Variants in B3GNT2 observed in about 807,000 individuals in gnomAD.
B3GNT2 encodes the protein N-acetyllactosaminide beta-1,3-N-acetylglucosaminyltransferase 2.
A neutral mutation model predicts 27.6 loss-of-function variants in B3GNT2; 12 were observed. That is an observed-to-expected ratio of 0.44 (90% CI 0.28 to 0.71). The LOEUF (loss-of-function observed/expected upper bound fraction) is 0.71, where lower values mean the gene tolerates loss of function less well. B3GNT2 is among the 30% of genes least tolerant of loss of function. The pLI is 0.17. For missense variants in B3GNT2, 413 were observed against 488.5 expected (o/e 0.85, Z 1.46); for synonymous variants, 192 against 189.7 (o/e 1.01, Z -0.10).
At chr2:62,210,457 T>C (rs1014600124) in intron 1 of B3GNT2, among the ~76,000 whole-genome samples, 1 of 151,414 alleles carries the variant, frequency 6.6e-6, no homozygotes, top group Non-Finnish European at 1.5e-5. Context: ...GAGATGTTCT[T>C]TTTTGGTAAA....
intron 1 of B3GNT2, among the ~76,000 whole-genome samples, chr2:62,216,909 C>T (rs1674586439): frequency 6.6e-6 from 1 of 152,222 alleles, no homozygotes; most frequent in South Asian, 2.1e-4. Flanking sequence ...TGTTCCAGTA[C>T]AATGTGTAGA....
rs1000103210 is a variant in B3GNT2, at chr2:62,221,937, T to C, written c.-9-275T>C. On this transcript the variant is annotated intron_variant, in intron 1 of 1. Transcript: ENST00000301998. ...ATAGTGCTTGCTGTGAGCCACGCGCTATTTTAAAAGCTTTCCATATAACAT... is the reference window on the plus strand; with the variant it reads ...ATAGTGCTTGCTGTGAGCCACGCGCCATTTTAAAAGCTTTCCATATAACAT... 7 of 537,524 alleles carry C rather than the reference T, an allele frequency of 1.3e-5. No individual in the cohort carries two copies. The African/African-American group carries it at 1.3e-4, about 10-fold the overall frequency. 33.3% of individuals were successfully genotyped at this position (537,524 alleles called of 1,614,324 possible). A position where few individuals can be genotyped will look rare whatever the true frequency, so the allele number is the denominator to read the frequency against.
chr2:62,202,856 C>T (rs1350684743), intron 1 of B3GNT2, among the ~76,000 whole-genome samples: 2 of 152,182 alleles, frequency 1.3e-5, no homozygotes, highest in Admixed American at 6.5e-5. Context: ...ATCTGCCCTC[C>T]TCCTCCTACC....
At chr2:62,221,238 T>C (rs924771627) in intron 1 of B3GNT2, among the ~76,000 whole-genome samples, 4 of 152,236 alleles carry the variant, frequency 2.6e-5, no homozygotes, top group African/African-American at 9.6e-5. Flanking sequence ...TCATCCACAA[T>C]AGTTTCCCTT....
chr2:62,213,943 G>A (rs1166239671), intron 1 of B3GNT2, among the ~76,000 whole-genome samples: 3 of 152,122 alleles, frequency 2.0e-5, no homozygotes, highest in Non-Finnish European at 2.9e-5. Flanking sequence ...CAGGTACCAC[G>A]TGCTGGAGTG....
intron 1 of B3GNT2, among the ~76,000 whole-genome samples, chr2:62,200,711 C>A (rs2104182865): frequency 6.6e-6 from 1 of 152,304 alleles, no homozygotes; most frequent in East Asian, 1.9e-4. Flanking sequence ...TGTTCCCACC[C>A]CCTCACCCTG....
At chr2:62,211,673 A>G (rs572533768) in intron 1 of B3GNT2, among the ~76,000 whole-genome samples, 6 of 152,264 alleles carry the variant, frequency 3.9e-5, no homozygotes, top group Non-Finnish European at 8.8e-5. Flanking sequence ...CCACAGCTTC[A>G]CATACTTTCT....
chr2:62,216,982 T>C (rs1674588496), intron 1 of B3GNT2, among the ~76,000 whole-genome samples: 2 of 152,224 alleles, frequency 1.3e-5, no homozygotes, highest in African/African-American at 4.8e-5. Context: ...GCTGGGAACC[T>C]GGGACTCTCA....
At chr2:62,211,249 G>A (rs1293572509) in intron 1 of B3GNT2, among the ~76,000 whole-genome samples, 2 of 152,144 alleles carry the variant, frequency 1.3e-5, no homozygotes, top group Non-Finnish European at 2.9e-5. Context: ...AGCTACTCAG[G>A]ATGCTGAAGT....
Position 62,198,676 on chromosome 2 carries a change from A to G in B3GNT2, c.-10+2321A>G, listed in dbSNP as rs567668944. The stretch of plus-strand genomic sequence containing the variant: ...ATATATGAAGGTTTGTAGTTTTGAA[A>G]ATTTTCTTGTTTTAAAGAAAAGTCA... On this transcript the variant is annotated intron_variant, in intron 1 of 1. Transcript: ENST00000301998. 1.1e-3 allele frequency among the ~76,000 whole-genome samples: 168 copies of G among 152,292 alleles called. 1 individual carries two copies. The highest frequency in any genetic ancestry group is 1.6e-4 in the Non-Finnish European group (11 of 68,026).
intron 1 of B3GNT2, among the ~76,000 whole-genome samples, chr2:62,202,272 C>CT (rs1398270500): frequency 1.3e-5 from 2 of 152,166 alleles, no homozygotes; most frequent in East Asian, 3.9e-4. Context: ...AGAAAGGCTT[C>CT]TTAAGGAAGT....
intron 1 of B3GNT2, among the ~76,000 whole-genome samples, chr2:62,206,194 A>T (rs1443565812): frequency 6.6e-6 from 1 of 152,166 alleles, no homozygotes; most frequent in Non-Finnish European, 1.5e-5. Context: ...ATCAAGGATC[A>T]GCTTGGACGT....
intron 1 of B3GNT2, among the ~76,000 whole-genome samples, chr2:62,210,474 A>G (rs1045031715): frequency 6.6e-6 from 1 of 151,458 alleles, no homozygotes; most frequent in African/African-American, 2.5e-5. Flanking sequence ...TAAAGATTAA[A>G]AAGGAGGACA....
intron 1 of B3GNT2, among the ~76,000 whole-genome samples, chr2:62,203,537 A>G (rs1444994764): frequency 6.6e-6 from 1 of 152,154 alleles, no homozygotes; most frequent in Non-Finnish European, 1.5e-5. Flanking sequence ...GGGGTGGGGT[A>G]GACATGGTGG....
At chr2:62,208,783 A>C (rs924470268) in intron 1 of B3GNT2, among the ~76,000 whole-genome samples, 1 of 151,974 alleles carries the variant, frequency 6.6e-6, no homozygotes, top group African/African-American at 2.4e-5. Context: ...TCTCATATTG[A>C]TTGTGTGTTG....
intron 1 of B3GNT2, among the ~76,000 whole-genome samples, chr2:62,206,160 G>C (rs1228635165): frequency 6.6e-6 from 1 of 152,110 alleles, no homozygotes; most frequent in Non-Finnish European, 1.5e-5. Flanking sequence ...CTCCGGGATG[G>C]GGTTTTAGGG....
intron 1 of B3GNT2, among the ~76,000 whole-genome samples, chr2:62,213,042 G>A (rs895018870): frequency 6.6e-6 from 1 of 152,136 alleles, no homozygotes; most frequent in Non-Finnish European, 1.5e-5. Context: ...TTAACCAAGG[G>A]CTTCCAATAT....
Position 62,222,495 on chromosome 2 carries a change from A to G in B3GNT2, c.275A>G (p.His92Arg), listed in dbSNP as rs1674732592. The G allele has an allele frequency of 6.2e-7, 1 of 1,614,164 alleles. No homozygotes were observed. The change falls in exon 2 of 2, where the codon CAT (histidine) becomes CGT (arginine). Residue 92 changes from histidine (H) to arginine (R), a missense_variant. Transcript: ENST00000301998. This position sits in a 1 kb window ranked among gnomAD's most constrained non-coding sequence, Gnocchi z 4.2. ...GCGGGCAGGCTCTCCAATATAAGCC[A>G]TCTGAACTACTGCGAACCTGACCTG... ...GEAGRLSNIS[H>R]LNYCEPDLRV...
intron 1 of B3GNT2, among the ~76,000 whole-genome samples, chr2:62,216,928 G>C (rs2104206794): frequency 6.6e-6 from 1 of 152,364 alleles, no homozygotes; most frequent in South Asian, 2.1e-4. Context: ...GAAGAAACTA[G>C]AACTAGAAGG....
Sources: allele counts gnomAD v4.1 joint callset (sites outside exome capture counted in the v4.1 genomes callset), GRCh38; gene constraint gnomAD v4.1.1; non-coding constraint Gnocchi (gnomAD v3.1); transcripts MANE v1.5; gene names NCBI Gene and HGNC (gene_info 2026-07-23, HGNC 2026-07-21).